Variants in PBX1 observed in about 807,000 individuals in gnomAD.
The protein encoded by PBX1 is pre-B-cell leukemia transcription factor 1.
In PBX1, 6 loss-of-function variants were observed where a neutral mutation model predicts 53.4. The observed-to-expected ratio is 0.11, with a 90% CI of 0.06 to 0.22. PBX1 has a LOEUF of 0.22. Among genes scored for constraint, PBX1 ranks in the 10% least tolerant of loss-of-function variants. PBX1 has a pLI of 1.00. For synonymous variants in PBX1, 204 were observed against 212.3 expected (o/e 0.96, Z 0.34); for missense variants, 251 against 551.4 (o/e 0.46, Z 5.46).
chr1:164,760,112 T>C (rs1415612874), intron 2 of PBX1, among the ~76,000 whole-genome samples: 1 of 152,172 alleles, frequency 6.6e-6, no homozygotes, highest in African/African-American at 2.4e-5. Flanking sequence ...TAAGTATAGT[T>C]TTACACTTTA....
At chr1:164,607,232 T>G (rs939341899) in intron 2 of PBX1, among the ~76,000 whole-genome samples, 4 of 152,170 alleles carry the variant, frequency 2.6e-5, no homozygotes, top group African/African-American at 4.8e-5. Context: ...TAAGGTAATT[T>G]TGGTGTCTCT....
rs189507351 is a variant in PBX1 at position 164,603,302 on chromosome 1, G to C, written c.265+39991G>C. On this transcript the variant is annotated intron_variant, in intron 2 of 8. Transcript: ENST00000420696. ...TTGAAATTGATGTTTGCAAAAGACAGGAATTTTGAATAACTGCCTGAGTTA... is the reference window on the plus strand; with the variant it reads ...TTGAAATTGATGTTTGCAAAAGACACGAATTTTGAATAACTGCCTGAGTTA... 1.7e-4 allele frequency among the ~76,000 whole-genome samples: 26 copies of C among 152,218 alleles called. 2 individuals are homozygous for C. In the East Asian group the frequency reaches 4.8e-3, roughly 28 times the overall value.
rs6143458 is a variant in PBX1 at position 164,562,452 on chromosome 1, T to TACACACACACACACACAC, written c.192-761_192-744dup. Among the ~76,000 whole-genome samples the TACACACACACACACACAC allele has an allele frequency of 2.8e-3, 399 of 143,380 alleles. 5 individuals are homozygous for TACACACACACACACACAC. In the East Asian group the frequency reaches 0.041, roughly 15 times the overall value. 94.1% of individuals were successfully genotyped at this position (143,380 alleles called of 152,430 possible). A position where few individuals can be genotyped will look rare whatever the true frequency, so the allele number is the denominator to read the frequency against. ...TTTTGTTCCTCAAGTGCATTCAGAA[T>TACACACACACACACACAC]ACACACACACACACACACACACACA... On this transcript the variant is annotated intron_variant, in intron 1 of 8. Coordinates refer to ENST00000420696, the MANE Select transcript of PBX1 (RefSeq NM_002585.4).
intron 2 of PBX1, among the ~76,000 whole-genome samples, chr1:164,628,144 T>C (rs1658165702): frequency 6.6e-6 from 1 of 152,216 alleles, no homozygotes; most frequent in South Asian, 2.1e-4. Context: ...ATTTAAAATG[T>C]CATTATTTAC....
chr1:164,587,264 C>A (rs1362484306), intron 2 of PBX1, among the ~76,000 whole-genome samples: 2 of 152,120 alleles, frequency 1.3e-5, no homozygotes, highest in African/African-American at 4.8e-5. Flanking sequence ...TAAGTCCATT[C>A]CTTAGTTTCA....
chr1:164,641,517 C>T (rs185337822), intron 2 of PBX1: 3 of 152,652 alleles, frequency 2.0e-5, no homozygotes, highest in East Asian at 1.9e-4. Flanking sequence ...CTCTGTGACT[C>T]GGGACAGAGG....
intron 2 of PBX1, among the ~76,000 whole-genome samples, chr1:164,647,523 A>G (rs12747830): frequency 0.037 from 5,618 of 152,228 alleles, 162 homozygotes; most frequent in Non-Finnish European, 0.051. Context: ...CCTCCCAGGT[A>G]TGATCTTTTA....
At chr1:164,599,415 C>T (rs973385404) in intron 2 of PBX1, among the ~76,000 whole-genome samples, 7 of 150,696 alleles carry the variant, frequency 4.6e-5, no homozygotes, top group South Asian at 2.2e-4. Flanking sequence ...CAATTGTGGG[C>T]GCATATTTAC....
chr1:164,684,693 T>G (rs1030923292), intron 2 of PBX1: 1 of 152,218 alleles, frequency 6.6e-6, no homozygotes, highest in Non-Finnish European at 1.5e-5. Flanking sequence ...CCCTCTGCTT[T>G]CAGAAATCAC....
chr1:164,678,278 C>G (rs755067080), intron 2 of PBX1, among the ~76,000 whole-genome samples: 1 of 152,220 alleles, frequency 6.6e-6, no homozygotes, highest in Non-Finnish European at 1.5e-5. Context: ...CTCTGCATTC[C>G]TTTTCTGTGT....
intron 2 of PBX1, among the ~76,000 whole-genome samples, chr1:164,688,946 GCT>G (rs767679313): frequency 2.1e-4 from 32 of 152,342 alleles, no homozygotes; most frequent in Non-Finnish European, 2.2e-4. Flanking sequence ...CCTCATCCCT[GCT>G]CTCTCAGCCA....
At chr1:164,853,208 C>T (rs560631610), downstream of PBX1, among the ~76,000 whole-genome samples, 59 of 152,254 alleles carry the variant, frequency 3.9e-4, 1 homozygote, top group South Asian at 6.2e-3. Context: ...AAGGCCCACC[C>T]GCTTCTTGAA....
chr1:164,788,752 T>TTC (rs1668328269), intron 2 of PBX1, among the ~76,000 whole-genome samples: 1 of 68,956 alleles, frequency 1.5e-5, no homozygotes, highest in African/African-American at 5.8e-5. Flanking sequence ...CCCGCCGCCC[T>TTC]CCCCCCCCCG....
At chr1:164,758,943 C>A (rs1454241713) in intron 2 of PBX1, among the ~76,000 whole-genome samples, 1 of 152,048 alleles carries the variant, frequency 6.6e-6, no homozygotes, top group Non-Finnish European at 1.5e-5. Flanking sequence ...TTAAGGCAAG[C>A]AAAGGCAGGA....
intron 2 of PBX1, among the ~76,000 whole-genome samples, chr1:164,723,646 C>A (rs1320896197): frequency 6.6e-6 from 1 of 152,184 alleles, no homozygotes; most frequent in African/African-American, 2.4e-5. Context: ...CTGGGCCAGC[C>A]AGGCGGCAGA....
intron 2 of PBX1, chr1:164,626,062 C>T (rs896732412): frequency 9.6e-7 from 1 of 1,036,284 alleles, no homozygotes. Context: ...AGCCCACACA[C>T]CACCACCCCA....
intron 2 of PBX1, among the ~76,000 whole-genome samples, chr1:164,863,502 A>G (rs1474511042): frequency 6.6e-6 from 1 of 152,208 alleles, no homozygotes; most frequent in East Asian, 1.9e-4. Context: ...GGTATCTAAT[A>G]TCAATCCAAT....
At chr1:164,883,252 G>A (rs755346782) in intron 2 of PBX1, among the ~76,000 whole-genome samples, 21 of 152,168 alleles carry the variant, frequency 1.4e-4, no homozygotes, top group Non-Finnish European at 2.9e-4. Context: ...ACCAACATGA[G>A]ACGATGTTAT....
At chr1:164,882,216 G>T (rs74118239) in intron 2 of PBX1, among the ~76,000 whole-genome samples, 1,896 of 151,948 alleles carry the variant, frequency 0.012, 35 homozygotes, top group African/African-American at 0.043. Context: ...CTGGAGCCTA[G>T]GCCTCTAACT....
Sources: gnomAD v4.1 joint callset for allele counts (sites outside exome capture counted in the v4.1 genomes callset) on GRCh38, gnomAD v4.1.1 for gene constraint, MANE v1.5 for transcripts, NCBI Gene and HGNC (gene_info 2026-07-23, HGNC 2026-07-21) for gene names.